The following TUBGCP3 variants were observed in gnomAD, a reference collection of about 807,000 sequenced individuals.
TUBGCP3 encodes the protein tubulin gamma complex component 3.
In TUBGCP3, 50 loss-of-function variants were observed where a neutral mutation model predicts 123.1. That is an observed-to-expected ratio of 0.41 (90% CI 0.32 to 0.51). The LOEUF is 0.51. Ranked by LOEUF, TUBGCP3 falls within the 20% of genes least tolerant of loss-of-function variation. The pLI, the probability that TUBGCP3 is intolerant of heterozygous loss-of-function variation, is 0.36. For missense variants in TUBGCP3, 882 were observed against 1,127.0 expected (o/e 0.78, Z 3.11); for synonymous variants, 405 against 413.9 (o/e 0.98, Z 0.26).
intron 8 of TUBGCP3, among the ~76,000 whole-genome samples, chr13:112,552,749 C>T (rs1879684004): frequency 6.6e-6 from 1 of 151,614 alleles, no homozygotes; most frequent in Non-Finnish European, 1.5e-5. Flanking sequence ...CCACAGCACA[C>T]TCCTCCCCAC....
intron 13 of TUBGCP3, among the ~76,000 whole-genome samples, chr13:112,523,834 T>A (rs1876823190): frequency 6.6e-6 from 1 of 152,252 alleles, no homozygotes; most frequent in Admixed American, 6.5e-5. Context: ...CACTTTTAAA[T>A]CTTCATAACT....
Position 112,519,754 on chromosome 13 carries a change from C to T in TUBGCP3, c.1881+132G>A. The T allele has an allele frequency of 8.1e-7, 1 of 1,227,350 alleles. No individual in the cohort carries two copies. The highest frequency in any genetic ancestry group is 1.1e-6 in the Non-Finnish European group (1 of 924,420). 76.0% of individuals were successfully genotyped at this position (1,227,350 alleles called of 1,614,324 possible). On this transcript the variant is annotated intron_variant, in intron 15 of 21. Transcript: ENST00000261965. The surrounding 1 kb of genome is among the most constrained non-coding windows in gnomAD (Gnocchi z 6.2). ...CAAGCCACAGAGTGGAGTTCCTACT[C>T]AGGCTGCCCAGTTTCCAGAAAGATA... is the stretch of plus-strand genomic sequence containing the variant.
intron 17 of TUBGCP3, among the ~76,000 whole-genome samples, chr13:112,516,181 A>G (rs1876107608): frequency 6.6e-6 from 1 of 152,258 alleles, no homozygotes; most frequent in Non-Finnish European, 1.5e-5. Context: ...ATTTAGTTAA[A>G]ACACTGTATG....
rs940010800 is a variant in TUBGCP3, at chr13:112,516,642, A to G, written c.1951-67T>C. On this transcript the variant is annotated intron_variant, in intron 16 of 21. Coordinates refer to ENST00000261965, the MANE Select transcript of TUBGCP3 (RefSeq NM_006322.6). ...AAGAATCCTCTCAGTACAGGTCTCA[A>G]TCTTTTTTTAAAAAGGTACATTTTA... 1.7e-5 allele frequency: 25 copies of G among 1,476,628 alleles called. No homozygotes were observed. In the African/African-American group the frequency reaches 3.4e-4, roughly 20 times the overall value. 91.5% of individuals were successfully genotyped at this position (1,476,628 alleles called of 1,614,324 possible).
chr13:112,565,361 G>T (rs1488785186), intron 2 of TUBGCP3, among the ~76,000 whole-genome samples, 183 bp from the exon 3 acceptor site: 1 of 152,178 alleles, frequency 6.6e-6, no homozygotes, highest in Non-Finnish European at 1.5e-5. Context: ...TAACCTCCCT[G>T]ACATTTGTAA....
chr13:112,537,127 CTTTTTT>C (rs58140098), intron 11 of TUBGCP3, among the ~76,000 whole-genome samples: 2 of 78,126 alleles, frequency 2.6e-5, no homozygotes, highest in African/African-American at 9.5e-5. Flanking sequence ...TACCTTTTTC[CTTTTTT>C]TTTTTTTTTT....
rs369987853 is a variant in TUBGCP3 at position 112,511,361 on chromosome 13, A to G, written c.2086+5079T>C. 5.3e-5 allele frequency among the ~76,000 whole-genome samples: 8 copies of G among 152,300 alleles called. No homozygotes were observed. Among genetic ancestry groups the G allele is most frequent in the African/African-American group, 1.9e-4 (8 of 41,572 alleles). On this transcript the variant is annotated intron_variant, in intron 17 of 21. Coordinates refer to ENST00000261965, the MANE Select transcript of TUBGCP3 (RefSeq NM_006322.6). The surrounding 1 kb of genome is among the most constrained non-coding windows in gnomAD (Gnocchi z 4.1). The stretch of plus-strand genomic sequence containing the variant: ...TCTCTCAATAATAATTATGTGCTTC[A>G]TGGATTTCAAATTTATGCTCCACTG...
At position 112,578,558 on chromosome 13, in the gene TUBGCP3, CAAAAAAAAAAA is replaced by C. The variant is rs71131496; in HGVS notation, c.77-9310_77-9300del. 5.6e-4 allele frequency among the ~76,000 whole-genome samples: 14 copies of C among 24,914 alleles called. No homozygotes were observed. The South Asian group carries it at 0.019, about 34-fold the overall frequency. 16.3% of individuals were successfully genotyped at this position (24,914 alleles called of 152,430 possible). ...TGGGCGAAAGAGTGAGACTCCGTCT[CAAAAAAAAAAA>C]AAAAAAAAAAAAAAAAAGAACCTGC... On this transcript the variant is annotated intron_variant, in intron 1 of 21. Coordinates refer to ENST00000261965, the MANE Select transcript of TUBGCP3 (RefSeq NM_006322.6).
intron 5 of TUBGCP3, among the ~76,000 whole-genome samples, chr13:112,557,106 A>G (rs1463888344): frequency 6.6e-6 from 1 of 152,214 alleles, no homozygotes; most frequent in East Asian, 1.9e-4. Context: ...ACATTCACTA[A>G]AACTATGTCT....
intron 14 of TUBGCP3, among the ~76,000 whole-genome samples, chr13:112,520,807 T>G (rs547858397): frequency 6.6e-6 from 1 of 152,298 alleles, no homozygotes; most frequent in Non-Finnish European, 1.5e-5. Context: ...AATATGAAGC[T>G]AACACGTCTC....
chr13:112,516,408 T>C, intron 17 of TUBGCP3, 32 bp downstream of exon 17: 1 of 1,542,208 alleles, frequency 6.5e-7, no homozygotes, highest in Non-Finnish European at 8.8e-7. Flanking sequence ...GCTGGGAGTG[T>C]GTGCGGACCC....
chr13:112,586,694 C>G (rs1052708003), intron 1 of TUBGCP3, among the ~76,000 whole-genome samples: 1 of 152,156 alleles, frequency 6.6e-6, no homozygotes, highest in Admixed American at 6.5e-5. Flanking sequence ...TGCTAATTAA[C>G]ATGGCTGGTT....
intron 1 of TUBGCP3, among the ~76,000 whole-genome samples, chr13:112,573,216 A>T (rs1421784173): frequency 6.6e-6 from 1 of 151,592 alleles, no homozygotes; most frequent in Non-Finnish European, 1.5e-5. Context: ...CCATGAAACA[A>T]AACAGTATGC....
chr13:112,486,335 G>C (rs1050279269), intron 21 of TUBGCP3, among the ~76,000 whole-genome samples, 184 bp from the exon 22 acceptor site: 1 of 152,192 alleles, frequency 6.6e-6, no homozygotes, highest in African/African-American at 2.4e-5. Flanking sequence ...GAGTGCACAC[G>C]GCCAGTGCAC....
At chr13:112,496,709 G>A (rs1359489634) in intron 20 of TUBGCP3, among the ~76,000 whole-genome samples, 5 of 152,158 alleles carry the variant, frequency 3.3e-5, no homozygotes, top group African/African-American at 7.2e-5. Context: ...AGGAGTGGCC[G>A]GGCGCGGTGG....
intron 1 of TUBGCP3, among the ~76,000 whole-genome samples, chr13:112,575,196 T>G (rs1329073176): frequency 1.3e-5 from 2 of 152,176 alleles, no homozygotes; most frequent in Non-Finnish European, 1.5e-5. Context: ...CCCTTAAAGC[T>G]GTGTACTATC....
intron 8 of TUBGCP3, among the ~76,000 whole-genome samples, chr13:112,550,961 T>C (rs911931536): frequency 6.6e-6 from 1 of 151,922 alleles, no homozygotes; most frequent in Admixed American, 6.5e-5. Flanking sequence ...TAGCCGGGCG[T>C]GGTGGTGGGT....
chr13:112,539,122 C>A (rs1466681711), intron 11 of TUBGCP3, among the ~76,000 whole-genome samples: 2 of 152,180 alleles, frequency 1.3e-5, no homozygotes, highest in African/African-American at 4.8e-5. Context: ...ATCCAATGTT[C>A]TCCTTAAAGT....
upstream of TUBGCP3, among the ~76,000 whole-genome samples, chr13:112,589,273 C>G (rs116542458): frequency 6.6e-6 from 1 of 152,326 alleles, no homozygotes; most frequent in African/African-American, 2.4e-5. Context: ...GCCACCCTCT[C>G]CCCCACCTTC....
Sources: allele counts gnomAD v4.1 joint callset (sites outside exome capture counted in the v4.1 genomes callset), GRCh38; gene constraint gnomAD v4.1.1; non-coding constraint Gnocchi (gnomAD v3.1); transcripts MANE v1.5; gene names NCBI Gene and HGNC (gene_info 2026-07-23, HGNC 2026-07-21).